Variants in AAK1 observed in about 807,000 individuals in gnomAD.
AAK1 encodes the protein AP2 associated kinase 1.
In AAK1, 37 loss-of-function variants were observed where a neutral mutation model predicts 116.0. The ratio of observed to expected loss-of-function variants is 0.32; its 90% confidence interval spans 0.25 to 0.42. The LOEUF is 0.42. Ranked by LOEUF, AAK1 falls within the 10% of genes least tolerant of loss-of-function variation. The pLI, the probability that AAK1 is intolerant of heterozygous loss-of-function variation, is 1.00. For missense variants in AAK1, 919 were observed against 1,170.6 expected (o/e 0.79, Z 3.14); for synonymous variants, 458 against 439.9 (o/e 1.04, Z -0.51).
chr2:69,627,327 G>A (rs959550054), intron 2 of AAK1, among the ~76,000 whole-genome samples: 1 of 151,718 alleles, frequency 6.6e-6, no homozygotes, highest in Non-Finnish European at 1.5e-5. Flanking sequence ...TCATGGAGCT[G>A]AAATTCTAGT....
rs557305954 is a variant in AAK1, at chr2:69,591,523, CT to C, written c.164-34546del. Among the ~76,000 whole-genome samples the C allele has an allele frequency of 8.2e-3, 1,070 of 129,950 alleles. 17 individuals are homozygous for C. The highest frequency in any genetic ancestry group is 0.012 in the East Asian group (53 of 4,558). The allele number at this position is 129,950 out of a possible 152,430, so 85.3% of individuals were successfully genotyped here. Reference sequence around the variant, plus strand: ...AATTTTTTTTTCTTTTTTTCTTTTTCTTTTTTTTTTTTTTTGAGAGGGAGTC... The same window carrying C: ...AATTTTTTTTTCTTTTTTTCTTTTTCTTTTTTTTTTTTTTGAGAGGGAGTC... On this transcript the variant is annotated intron_variant, in intron 2 of 21. Coordinates refer to ENST00000409085, the MANE Select transcript of AAK1 (RefSeq NM_014911.5).
At position 69,556,892 on chromosome 2, in the gene AAK1, G is replaced by C. The variant is rs1180395190; in HGVS notation, c.250C>G (p.Leu84Val). ...KRMFVNNEHDLQVCKREIQIM... is the reference protein window; with the variant it reads ...KRMFVNNEHDVQVCKREIQIM... ...TGGATTTCTCTCTTGCACACCTGGAGATCATGCTCATTGTTGACAAACATG... is the reference window on the plus strand; with the variant it reads ...TGGATTTCTCTCTTGCACACCTGGACATCATGCTCATTGTTGACAAACATG... Residue 84 changes from leucine (L) to valine (V), a missense_variant, in exon 3 of 22, where the codon CTC (leucine) becomes GTC (valine). Leu to Val is a conservative substitution (Grantham distance 32, BLOSUM62 1). Coordinates refer to ENST00000409085, the MANE Select transcript of AAK1 (RefSeq NM_014911.5). 2 of 1,613,744 alleles carry C rather than the reference G, an allele frequency of 1.2e-6. No homozygotes were observed. The highest frequency in any genetic ancestry group is 1.7e-6 in the Non-Finnish European group (2 of 1,179,800).
At position 69,504,232 on chromosome 2, in the gene AAK1, A is replaced by G. The variant is rs551271554; in HGVS notation, c.2269+1337T>C. On this transcript the variant is annotated intron_variant, in intron 16 of 21. Coordinates refer to ENST00000409085, the MANE Select transcript of AAK1 (RefSeq NM_014911.5). The stretch of plus-strand genomic sequence containing the variant: ...GCCAACATGGTGAAACTCCATCTCT[A>G]CTAAAACTACAAACATTAGCCGGCC... 1.5e-4 allele frequency among the ~76,000 whole-genome samples: 23 copies of G among 150,940 alleles called. No individual in the cohort carries two copies. In the South Asian group the frequency reaches 4.8e-3, roughly 32 times the overall value.
chr2:69,633,918 C>T (rs916374313), intron 2 of AAK1, among the ~76,000 whole-genome samples: 3 of 152,178 alleles, frequency 2.0e-5, no homozygotes, highest in Non-Finnish European at 2.9e-5. Flanking sequence ...GCCTGTAATC[C>T]CACCACTTTG....
Position 69,475,917 on chromosome 2 carries a change from G to T in AAK1, c.2838C>A (p.Pro946=). ...CCAGCAGTAAAGACCTGGCTAGGTT[G>T]GGAAGACTGGACTCAGAGCTCCCAC... ...NSSGSSESSL[P]NLARSLLLVD... The change falls in exon 22 of 22, where the codon CCC becomes CCA. Residue 946 remains proline, a synonymous_variant. Coordinates refer to ENST00000409085, the MANE Select transcript of AAK1 (RefSeq NM_014911.5). The T allele has an allele frequency of 1.2e-6, 2 of 1,612,580 alleles. No homozygotes were observed. Among genetic ancestry groups the T allele is most frequent in the Middle Eastern group, 1.7e-4 (1 of 6,060 alleles).
rs1017003095 is a variant in AAK1 at position 69,459,282 on chromosome 2, G to A, written c.*16587C>T. 4 of 151,986 alleles carry A rather than the reference G, an allele frequency of 2.6e-5. No homozygotes were observed. The highest frequency in any genetic ancestry group is 5.9e-5 in the Non-Finnish European group (4 of 68,032). 9.4% of individuals were successfully genotyped at this position (151,986 alleles called of 1,614,324 possible). A position where few individuals can be genotyped will look rare whatever the true frequency, so the allele number is the denominator to read the frequency against. Reference sequence around the variant, plus strand: ...CATGTTTTGTTTGTTTTGTTTTTTTGAGACAGGGTCTGGCTCTATTGCCTG... The same window carrying A: ...CATGTTTTGTTTGTTTTGTTTTTTTAAGACAGGGTCTGGCTCTATTGCCTG... On this transcript the variant is annotated 3_prime_UTR_variant, in exon 22 of 22. Coordinates refer to ENST00000409085, the MANE Select transcript of AAK1 (RefSeq NM_014911.5).
rs573692733 is a variant in AAK1 at position 69,535,554 on chromosome 2, T to C, written c.535-3392A>G. Among the ~76,000 whole-genome samples the C allele has an allele frequency of 1.2e-4, 19 of 152,170 alleles. No individual in the cohort carries two copies. In the East Asian group the frequency reaches 3.1e-3, roughly 25 times the overall value. On this transcript the variant is annotated intron_variant, in intron 5 of 21. Transcript: ENST00000409085. ...TTATGACAAGAATACAGCAGGTGAATGTATGTAAGGTGAAGACGAATGTTA... is the reference window on the plus strand; with the variant it reads ...TTATGACAAGAATACAGCAGGTGAACGTATGTAAGGTGAAGACGAATGTTA...
chr2:69,596,722 GC>G (rs996519493), intron 2 of AAK1, among the ~76,000 whole-genome samples: 39 of 152,168 alleles, frequency 2.6e-4, no homozygotes, highest in Non-Finnish European at 1.5e-5. Context: ...CAGGCAGTGG[GC>G]CTCTGTGACT....
At chr2:69,634,873 C>A (rs1166974885) in intron 2 of AAK1, among the ~76,000 whole-genome samples, 1 of 151,918 alleles carries the variant, frequency 6.6e-6, no homozygotes, top group Non-Finnish European at 1.5e-5. Context: ...TTTTGAGGAA[C>A]AAAAAATGGT....
intron 16 of AAK1, 37 bp from the exon 17 acceptor site, chr2:69,496,117 A>AG (rs1675730480): frequency 6.9e-7 from 1 of 1,445,140 alleles, no homozygotes; most frequent in Non-Finnish European, 9.5e-7. Flanking sequence ...GAGTCAGGAG[A>AG]GAAAAAAAGA....
intron 21 of AAK1, 42 bp from the exon 22 acceptor site, chr2:69,476,005 G>T (rs1338141509): frequency 6.3e-7 from 1 of 1,579,336 alleles, no homozygotes; most frequent in East Asian, 2.3e-5. Flanking sequence ...AACATAGAGG[G>T]TTAAGGTTTA....
intron 2 of AAK1, among the ~76,000 whole-genome samples, chr2:69,637,106 C>G (rs1407432011): frequency 6.6e-6 from 1 of 152,182 alleles, no homozygotes; most frequent in Admixed American, 6.5e-5. Context: ...ATACAGCTCC[C>G]CAGTAAGCAG....
intron 2 of AAK1, among the ~76,000 whole-genome samples, chr2:69,584,261 G>A (rs945257229): frequency 1.3e-5 from 2 of 152,172 alleles, no homozygotes; most frequent in Non-Finnish European, 2.9e-5. Flanking sequence ...CTAAGCAGAT[G>A]GCAGGCCTCA....
chr2:69,590,485 T>G (rs1407743230), intron 2 of AAK1, among the ~76,000 whole-genome samples: 1 of 152,210 alleles, frequency 6.6e-6, no homozygotes, highest in African/African-American at 2.4e-5. Context: ...CTGTCCTTCC[T>G]GGAGGACAGA....
intron 10 of AAK1, among the ~76,000 whole-genome samples, chr2:69,524,061 C>T (rs372375326): frequency 6.4e-4 from 97 of 152,210 alleles, no homozygotes; most frequent in African/African-American, 2.2e-3. Flanking sequence ...TTGGAAGAAC[C>T]TAGGTTGAAC....
intron 13 of AAK1, among the ~76,000 whole-genome samples, chr2:69,514,164 T>C (rs1676493228): frequency 6.6e-6 from 1 of 152,244 alleles, no homozygotes; most frequent in African/African-American, 2.4e-5. Context: ...GCCTAGGTCC[T>C]TGACTGTTCA....
chr2:69,497,492 G>A lies in AAK1; in HGVS notation c.2270-1412C>T, dbSNP rs372528378. Among the ~76,000 whole-genome samples, 7 of 151,512 alleles carry A rather than the reference G, an allele frequency of 4.6e-5. No homozygotes were observed. In the East Asian group the frequency reaches 1.4e-3, roughly 29 times the overall value. On this transcript the variant is annotated intron_variant, in intron 16 of 21. Transcript: ENST00000409085. ...AATTTTTGTATTTTTAGTAGAGACGGGGTTTTACCATGTTGGCCAGGCTGC... is the reference window on the plus strand; with the variant it reads ...AATTTTTGTATTTTTAGTAGAGACGAGGTTTTACCATGTTGGCCAGGCTGC...
intron 3 of AAK1, 132 bp from the exon 4 acceptor site, chr2:69,544,676 A>T: frequency 1.5e-6 from 1 of 670,488 alleles, no homozygotes; most frequent in Non-Finnish European, 2.5e-6. Flanking sequence ...ACTAAGGAGC[A>T]AAGTCAAGAA....
At chr2:69,509,550 A>C (rs1245565005) in intron 13 of AAK1, 90 bp from the exon 14 acceptor site, 2 of 1,098,976 alleles carry the variant, frequency 1.8e-6, no homozygotes, top group Non-Finnish European at 2.6e-6. Context: ...ACAACAACAA[A>C]AAATGCCACA....
Sources: allele counts gnomAD v4.1 joint callset (sites outside exome capture counted in the v4.1 genomes callset), GRCh38; gene constraint gnomAD v4.1.1; transcripts MANE v1.5; gene names NCBI Gene and HGNC (gene_info 2026-07-23, HGNC 2026-07-21).